Variants in FYB1 observed in about 807,000 individuals in gnomAD.
The protein encoded by FYB1 is FYN-binding protein 1.
Under a neutral mutation model 94.1 loss-of-function variants are expected in FYB1, and 41 were observed. The ratio of observed to expected loss-of-function variants is 0.44; its 90% CI spans 0.34 to 0.57. The LOEUF (loss-of-function observed/expected upper bound fraction) is 0.57. FYB1 is among the 20% of genes least tolerant of loss of function. FYB1 has a pLI of 0.02. For synonymous variants in FYB1, 367 were observed against 353.2 expected, an observed-to-expected ratio of 1.04 and a Z score of -0.44; for missense variants, 1,050 against 976.8, an observed-to-expected ratio of 1.07 and a Z score of -1.00.
chr5:39,197,914 A>T (rs1747974984), intron 2 of FYB1, among the ~76,000 whole-genome samples: 1 of 152,214 alleles, frequency 6.6e-6, no homozygotes, highest in Non-Finnish European at 1.5e-5. Flanking sequence ...TGGCATCATA[A>T]ATCACAAATA....
Position 39,137,517 on chromosome 5 carries a change from T to A in FYB1, c.1515+83A>T, listed in dbSNP as rs867343551. 1.2e-5 allele frequency: 18 copies of A among 1,446,412 alleles called. No homozygotes were observed. The African/African-American group carries it at 1.9e-4, about 15-fold the overall frequency. The allele number at this position is 1,446,412 out of a possible 1,614,324, so 89.6% of individuals were successfully genotyped here. ...ATGAATAAGTAATTCTTCAACTATGTAAGTTTTCAAGAATGGTACCCCTTT... is the reference window on the plus strand; with the variant it reads ...ATGAATAAGTAATTCTTCAACTATGAAAGTTTTCAAGAATGGTACCCCTTT... On this transcript the variant is annotated intron_variant, in intron 7 of 18. Coordinates refer to ENST00000512982, the MANE Select transcript of FYB1 (RefSeq NM_001465.6).
In FYB1 at chr5:39,202,446, T is replaced by C. The variant is rs772580906; in HGVS notation, c.515A>G (p.Lys172Arg). Residue 172 changes from lysine to arginine, a missense_variant, in exon 2 of 19, where the codon AAA (lysine) becomes AGA (arginine). Physicochemically the swap from Lys to Arg is conservative, Grantham distance 26 (BLOSUM62 2). Transcript: ENST00000512982. ...AAATTTCCCTTTAACCCCAGTCAAT[T>C]TGGGAAACGCTTGCTTCTGTTCATT... ...SENEQKQAFPKLTGVKGKFMS... is the reference protein window; with the variant it reads ...SENEQKQAFPRLTGVKGKFMS... 1.2e-6 allele frequency: 2 copies of C among 1,613,890 alleles called. No homozygotes were observed. The highest frequency in any genetic ancestry group is 1.3e-5 in the African/African-American group (1 of 74,990).
At chr5:39,270,708 T>C in intron 1 of FYB1, 6 of 659,452 alleles carry the variant, frequency 9.1e-6, no homozygotes, top group Non-Finnish European at 1.2e-5. Context: ...TTTCACACAT[T>C]GATATGTGAG....
chr5:39,261,952 C>T (rs765107567), intron 1 of FYB1, among the ~76,000 whole-genome samples: 25 of 152,032 alleles, frequency 1.6e-4, no homozygotes, highest in Admixed American at 5.9e-4. Flanking sequence ...TCCATATCAG[C>T]TAATATTAGA....
At chr5:39,148,608 A>G (rs958255770) in intron 3 of FYB1, among the ~76,000 whole-genome samples, 4 of 151,782 alleles carry the variant, frequency 2.6e-5, no homozygotes, top group Non-Finnish European at 5.9e-5. Flanking sequence ...GCAGCTGGCT[A>G]CTGATACGGC....
chr5:39,175,553 G>A (rs1404330602), intron 2 of FYB1, among the ~76,000 whole-genome samples: 1 of 152,178 alleles, frequency 6.6e-6, no homozygotes, highest in Non-Finnish European at 1.5e-5. Context: ...AGGTAGAAAC[G>A]CTGCTGTGTA....
chr5:39,246,650 A>G (rs949681181), intron 1 of FYB1, among the ~76,000 whole-genome samples: 6 of 152,224 alleles, frequency 3.9e-5, no homozygotes, highest in Non-Finnish European at 7.3e-5. Flanking sequence ...ATAGTGGAAG[A>G]GTGAAAATTA....
chr5:39,248,368 C>T (rs558866601), intron 1 of FYB1, among the ~76,000 whole-genome samples: 1 of 151,986 alleles, frequency 6.6e-6, no homozygotes, highest in South Asian at 2.1e-4. Context: ...GGAGAATATC[C>T]AGTTCTTTGA....
chr5:39,174,157 C>T (rs1745496382), intron 2 of FYB1, among the ~76,000 whole-genome samples: 1 of 152,092 alleles, frequency 6.6e-6, no homozygotes, highest in South Asian at 2.1e-4. Context: ...TTGAAGAGGT[C>T]TTTGACTTCC....
intron 17 of FYB1, 139 bp downstream of exon 17, chr5:39,110,217 C>A: frequency 1.9e-6 from 1 of 515,806 alleles, no homozygotes; most frequent in Non-Finnish European, 3.4e-6. Flanking sequence ...AACATGTTAA[C>A]GTTAGTATAG....
intron 1 of FYB1, chr5:39,212,643 C>T (rs1749498521): frequency 1.3e-5 from 2 of 152,208 alleles, no homozygotes; most frequent in Admixed American, 1.3e-4. Flanking sequence ...TGCACAGAAA[C>T]AAGACTCTGT....
intron 9 of FYB1, among the ~76,000 whole-genome samples, chr5:39,131,721 A>G (rs893867986): frequency 6.6e-6 from 1 of 152,210 alleles, no homozygotes; most frequent in Non-Finnish European, 1.5e-5. Flanking sequence ...AGCATGATGC[A>G]TGAAGCAGGC....
intron 9 of FYB1, among the ~76,000 whole-genome samples, chr5:39,133,325 C>A (rs550015106): frequency 5.3e-5 from 8 of 152,138 alleles, no homozygotes; most frequent in Middle Eastern, 3.4e-3. Context: ...AAGTAGTCAT[C>A]AAAAAACTAA....
At chr5:39,241,424 G>A (rs981656421) in intron 1 of FYB1, among the ~76,000 whole-genome samples, 6 of 152,102 alleles carry the variant, frequency 3.9e-5, no homozygotes, top group South Asian at 4.2e-4. Flanking sequence ...TCAGTTCTAC[G>A]CCCTGATTCT....
At chr5:39,121,183 C>CAAAAAAAAAAAA (rs56376626) in intron 14 of FYB1, among the ~76,000 whole-genome samples, 4 of 57,682 alleles carry the variant, frequency 6.9e-5, no homozygotes, top group Non-Finnish European at 1.0e-4. Flanking sequence ...TAATGTAAAG[C>CAAAAAAAAAAAA]AAAAAAAAAA....
chr5:39,234,119 C>T (rs1750859370), intron 1 of FYB1, among the ~76,000 whole-genome samples: 1 of 152,096 alleles, frequency 6.6e-6, no homozygotes, highest in Non-Finnish European at 1.5e-5. Flanking sequence ...ACAGCATCTT[C>T]CACTTAGTTC....
intron 4 of FYB1, chr5:39,140,087 G>GA (rs1435943897): frequency 6.6e-6 from 1 of 152,000 alleles, no homozygotes; most frequent in Admixed American, 6.6e-5. Context: ...TATTTTCTAG[G>GA]AAAAAAGACT....
chr5:39,270,597 TG>T, intron 1 of FYB1: 1 of 1,534,698 alleles, frequency 6.5e-7, no homozygotes, highest in Middle Eastern at 1.7e-4. Flanking sequence ...TTGATATGCC[TG>T]GCACACAATG....
intron 1 of FYB1, among the ~76,000 whole-genome samples, chr5:39,226,611 T>C (rs1284798452): frequency 6.6e-6 from 1 of 152,238 alleles, no homozygotes; most frequent in Admixed American, 6.5e-5. Context: ...TCAGAGTATG[T>C]ATTGCATCGT....
Sources: gnomAD v4.1 joint callset for allele counts (sites outside exome capture counted in the v4.1 genomes callset) on GRCh38, gnomAD v4.1.1 for gene constraint, MANE v1.5 for transcripts, NCBI Gene and HGNC (gene_info 2026-07-23, HGNC 2026-07-21) for gene names.